The following GBE1 variants were observed in gnomAD, a reference collection of about 807,000 sequenced individuals.
GBE1 encodes the protein 1,4-alpha-glucan-branching enzyme.
In GBE1, 70 loss-of-function variants were observed where a neutral mutation model predicts 88.8. The ratio of observed to expected loss-of-function variants is 0.79; its 90% CI spans 0.65 to 0.96. GBE1 has a LOEUF of 0.96. GBE1 is among the 40% of genes least tolerant of loss of function. The pLI is 0.00. For missense variants in GBE1, 872 were observed against 871.0 expected, an observed-to-expected ratio of 1.00 and a Z score of -0.01; for synonymous variants, 284 against 300.1, an observed-to-expected ratio of 0.95 and a Z score of 0.56.
chr3:81,548,475 T>TACTGGACC (rs1703235926), intron 12 of GBE1, among the ~76,000 whole-genome samples: 1 of 151,412 alleles, frequency 6.6e-6, no homozygotes, highest in East Asian at 1.9e-4. Flanking sequence ...TGGTATGTGT[T>TACTGGACC]CCAAAATTAC....
intron 2 of GBE1, among the ~76,000 whole-genome samples, chr3:81,683,918 C>A (rs1705394760): frequency 6.6e-6 from 1 of 152,048 alleles, no homozygotes; most frequent in Admixed American, 6.5e-5. Flanking sequence ...CAAAGGCCAT[C>A]TCAAAACTAA....
rs1391081382 is a variant in GBE1, at chr3:81,489,943, A to G, written c.*464T>C. ...ATTTATTACAGTATTTCTAAACACA[A>G]TTTGAAAAAAAGAAACAAAGAAACA... is the stretch of plus-strand genomic sequence containing the variant. On this transcript the variant is annotated 3_prime_UTR_variant, in exon 16 of 16. Transcript: ENST00000429644. 1 of 157,086 alleles carries G rather than the reference A, an allele frequency of 6.4e-6. No homozygotes were observed. Among genetic ancestry groups the G allele is most frequent in the African/African-American group, 2.4e-5 (1 of 41,454 alleles). The allele number at this position is 157,086 out of a possible 1,614,324, so 9.7% of individuals were successfully genotyped here.
chr3:81,695,759 G>A (rs146903541), intron 2 of GBE1, among the ~76,000 whole-genome samples: 7 of 152,258 alleles, frequency 4.6e-5, no homozygotes, highest in Admixed American at 3.3e-4. Flanking sequence ...TCACTTATGT[G>A]TCCATGGTTG....
chr3:81,552,638 T>G (rs1045567837), intron 12 of GBE1, among the ~76,000 whole-genome samples: 1 of 151,336 alleles, frequency 6.6e-6, no homozygotes, highest in Non-Finnish European at 1.5e-5. Flanking sequence ...ATAAATGTGG[T>G]AGAATGAATA....
chr3:81,726,471 C>A (rs1055779469), intron 1 of GBE1, among the ~76,000 whole-genome samples: 11 of 151,764 alleles, frequency 7.2e-5, no homozygotes, highest in African/African-American at 2.7e-4. Flanking sequence ...AGATGTATTT[C>A]ACTGTTTTTA....
intron 1 of GBE1, among the ~76,000 whole-genome samples, chr3:81,724,355 T>A (rs1706078990): frequency 6.6e-6 from 1 of 152,120 alleles, no homozygotes; most frequent in East Asian, 1.9e-4. Flanking sequence ...TGGAAATGCT[T>A]CCCAATATGA....
chr3:81,551,038 T>C (rs986927187), intron 12 of GBE1, among the ~76,000 whole-genome samples: 4 of 152,174 alleles, frequency 2.6e-5, no homozygotes, highest in Non-Finnish European at 5.9e-5. Flanking sequence ...ATTCACTGTT[T>C]TAAAACAAAA....
At chr3:81,737,166 G>A (rs1341887886) in intron 1 of GBE1, among the ~76,000 whole-genome samples, 3 of 150,042 alleles carry the variant, frequency 2.0e-5, no homozygotes, top group East Asian at 3.9e-4. Flanking sequence ...AGAGAGAGAT[G>A]GTAATCTCCA....
chr3:81,718,384 C>T (rs1362239029), intron 1 of GBE1, among the ~76,000 whole-genome samples: 1 of 152,100 alleles, frequency 6.6e-6, no homozygotes, highest in East Asian at 1.9e-4. Flanking sequence ...TTATGGAGTA[C>T]TTACTATGTT....
intron 3 of GBE1, among the ~76,000 whole-genome samples, chr3:81,660,080 T>C (rs564175030): frequency 6.6e-6 from 1 of 152,074 alleles, no homozygotes; most frequent in African/African-American, 2.4e-5. Flanking sequence ...CATCAAGAAA[T>C]AAGAAAGCGA....
At position 81,535,223 on chromosome 3, in the gene GBE1, A is replaced by G. The variant is rs1703058897; in HGVS notation, c.1906T>C (p.Tyr636His). 6.2e-7 allele frequency: 1 copy of G among 1,611,074 alleles called. No homozygotes were observed. The highest frequency in any genetic ancestry group is 1.3e-5 in the African/African-American group (1 of 74,696). Residue 636 changes from tyrosine to histidine, a missense_variant, in exon 14 of 16, where the codon TAC (tyrosine) becomes CAC (histidine). Transcript: ENST00000429644. ...NFHPSKSYTD[Y>H]RVGTALPGKF... Reference sequence around the variant, plus strand: ...CCTGGCAATGCTGTTCCAACTCGGTAGTCAGTGTAGCTCTTGCTTGGATGG... The same window carrying G: ...CCTGGCAATGCTGTTCCAACTCGGTGGTCAGTGTAGCTCTTGCTTGGATGG...
rs544480650 is a variant in GBE1 at position 81,689,008 on chromosome 3, C to G, written c.313+16436G>C. 3.9e-5 allele frequency among the ~76,000 whole-genome samples: 6 copies of G among 152,058 alleles called. No individual in the cohort carries two copies. In the East Asian group the frequency reaches 1.2e-3, roughly 29 times the overall value. On this transcript the variant is annotated intron_variant, in intron 2 of 15. Coordinates refer to ENST00000429644, the MANE Select transcript of GBE1 (RefSeq NM_000158.4). ...TCACAAAATGCCAAATTATCTATGC[C>G]CAAACACTAGTAGCATCTAAAATAA...
At chr3:81,607,051 C>T (rs1485386906) in intron 7 of GBE1, among the ~76,000 whole-genome samples, 1 of 152,104 alleles carries the variant, frequency 6.6e-6, no homozygotes, top group East Asian at 1.9e-4. Flanking sequence ...CAGGCTACAC[C>T]ATATTGCCAT....
intron 2 of GBE1, among the ~76,000 whole-genome samples, chr3:81,690,151 G>C (rs1330841765): frequency 6.6e-6 from 1 of 152,124 alleles, no homozygotes; most frequent in Non-Finnish European, 1.5e-5. Flanking sequence ...AGCACAGTAA[G>C]ATCTTCACAA....
chr3:81,695,640 T>A (rs532332149), intron 2 of GBE1, among the ~76,000 whole-genome samples: 3 of 152,346 alleles, frequency 2.0e-5, no homozygotes, highest in African/African-American at 7.2e-5. Context: ...GTGAATGTTA[T>A]GTTATATGAA....
intron 3 of GBE1, among the ~76,000 whole-genome samples, chr3:81,665,857 TA>T (rs1261744813): frequency 6.6e-6 from 1 of 152,124 alleles, no homozygotes; most frequent in East Asian, 1.9e-4. Flanking sequence ...TAAGCAGTGG[TA>T]ATGAAGGTGC....
Position 81,535,255 on chromosome 3 carries a change from A to C in GBE1, c.1874T>G (p.Phe625Cys), listed in dbSNP as rs769567764. The change falls in exon 14 of 16, where the codon TTC becomes TGC. Residue 625 changes from phenylalanine (F) to cysteine (C), a missense_variant. Coordinates refer to ENST00000429644, the MANE Select transcript of GBE1 (RefSeq NM_000158.4). ...GTAGCTCTTGCTTGGATGGAAGTTG[A>C]AAATGAAAAGAAGACCTGCTCTTTC... The part of the protein sequence containing the change: ...AFERAGLLFI[F>C]NFHPSKSYTD... The C allele has an allele frequency of 1.2e-5, 19 of 1,611,540 alleles. No individual in the cohort carries two copies. The highest frequency in any genetic ancestry group is 1.7e-5 in the Admixed American group (1 of 59,722).
At chr3:81,495,384 G>A (rs377524087) in intron 15 of GBE1, among the ~76,000 whole-genome samples, 323 of 152,028 alleles carry the variant, frequency 2.1e-3, no homozygotes, top group African/African-American at 7.4e-3. Flanking sequence ...GTGAGACTCC[G>A]TCTCACAAAA....
chr3:81,741,629 C>T (rs181447648), intron 1 of GBE1, among the ~76,000 whole-genome samples: 3 of 151,964 alleles, frequency 2.0e-5, no homozygotes, highest in East Asian at 3.9e-4. Flanking sequence ...AATGGGAAAA[C>T]ATTCCAACTA....
Sources: gnomAD v4.1 joint callset for allele counts (sites outside exome capture counted in the v4.1 genomes callset) on GRCh38, gnomAD v4.1.1 for gene constraint, MANE v1.5 for transcripts, NCBI Gene and HGNC (gene_info 2026-07-23, HGNC 2026-07-21) for gene names.